NXPH1: variants seen among roughly 807,000 people sequenced by gnomAD.
The protein encoded by NXPH1 is neurexophilin 1.
A neutral mutation model predicts 23.7 loss-of-function variants in NXPH1; 5 were observed. The observed-to-expected ratio is 0.21, with a 90% CI of 0.11 to 0.44. The LOEUF (loss-of-function observed/expected upper bound fraction) is 0.44, where lower values mean the gene tolerates loss of function less well. Among genes scored for constraint, NXPH1 ranks in the 20% least tolerant of loss-of-function variants. NXPH1 has a pLI of 0.99. For missense variants in NXPH1, 324 were observed against 321.6 expected (o/e 1.01, Z -0.06); for synonymous variants, 144 against 122.2 (o/e 1.18, Z -1.18).
At chr7:8,455,155 C>T (rs896670822) in intron 2 of NXPH1, among the ~76,000 whole-genome samples, 1 of 151,688 alleles carries the variant, frequency 6.6e-6, no homozygotes, top group Non-Finnish European at 1.5e-5. Flanking sequence ...CCATATGAAT[C>T]AATGAATTAT....
chr7:8,610,115 T>C (rs934969624), intron 2 of NXPH1, among the ~76,000 whole-genome samples: 1 of 152,160 alleles, frequency 6.6e-6, no homozygotes, highest in Non-Finnish European at 1.5e-5. Context: ...CACTTTATAA[T>C]CGTTTTGAGA....
intron 2 of NXPH1, among the ~76,000 whole-genome samples, chr7:8,716,238 T>C (rs1036761656): frequency 2.6e-5 from 4 of 152,178 alleles, no homozygotes; most frequent in South Asian, 2.1e-4. Context: ...TATATTACAC[T>C]CCTCAAAACT....
At chr7:8,705,304 A>G (rs1243153330) in intron 2 of NXPH1, among the ~76,000 whole-genome samples, 2 of 152,172 alleles carry the variant, frequency 1.3e-5, no homozygotes, top group African/African-American at 4.8e-5. Context: ...TGTGTGAATA[A>G]TTGCAACACA....
chr7:8,747,235 G>T (rs1216900374), intron 2 of NXPH1, among the ~76,000 whole-genome samples: 1 of 152,198 alleles, frequency 6.6e-6, no homozygotes, highest in Non-Finnish European at 1.5e-5. Flanking sequence ...CAGGCAGTCT[G>T]ACTCCAGAGT....
intron 2 of NXPH1, among the ~76,000 whole-genome samples, chr7:8,679,498 A>G (rs1821017852): frequency 6.6e-6 from 1 of 152,230 alleles, no homozygotes; most frequent in African/African-American, 2.4e-5. Context: ...AGTAAGAATT[A>G]AGGAACACTC....
At chr7:8,539,397 A>G (rs1417802961) in intron 2 of NXPH1, among the ~76,000 whole-genome samples, 1 of 151,886 alleles carries the variant, frequency 6.6e-6, no homozygotes, top group Non-Finnish European at 1.5e-5. Flanking sequence ...GTAAGCATTT[A>G]TGAACTGTTT....
chr7:8,587,753 G>A (rs927981259), intron 2 of NXPH1, among the ~76,000 whole-genome samples: 1 of 152,108 alleles, frequency 6.6e-6, no homozygotes, highest in Non-Finnish European at 1.5e-5. Context: ...TTCTGTTCCT[G>A]TGTTAATTTG....
rs543638929 is a variant in NXPH1 at position 8,526,437 on chromosome 7, T to G, written c.54+90670T>G. 2.6e-5 allele frequency among the ~76,000 whole-genome samples: 4 copies of G among 152,210 alleles called. No individual in the cohort carries two copies. The South Asian group carries it at 8.3e-4, about 32-fold the overall frequency. On this transcript the variant is annotated intron_variant, in intron 2 of 2. Transcript: ENST00000405863. ...GTTAATGCTGAGATGAGTTAAGACT[T>G]TGGGGGACTGTTGGGAAGGCATGAT...
chr7:8,707,516 T>C (rs774988432), intron 2 of NXPH1, among the ~76,000 whole-genome samples: 6 of 152,164 alleles, frequency 3.9e-5, no homozygotes, highest in Non-Finnish European at 5.9e-5. Context: ...TCTCAGTATG[T>C]ATTAATGAGT....
At chr7:8,496,387 A>G (rs2128611897) in intron 2 of NXPH1, among the ~76,000 whole-genome samples, 1 of 152,210 alleles carries the variant, frequency 6.6e-6, no homozygotes, top group Non-Finnish European at 1.5e-5. Flanking sequence ...ATTAAATAAA[A>G]TTCAGACTTT....
At position 8,442,433 on chromosome 7, in the gene NXPH1, C is replaced by A. The variant is rs1816319258; in HGVS notation, c.54+6666C>A. On this transcript the variant is annotated intron_variant, in intron 2 of 2. Transcript: ENST00000405863. The surrounding 1 kb of genome is among the most constrained non-coding windows in gnomAD (Gnocchi z 4.6). ...CCTAATGGATTCTGAAGCGAAGGAT[C>A]CTAGCTGCCGCGGCTAAGGGCGCAG... is the stretch of plus-strand genomic sequence containing the variant. Among the ~76,000 whole-genome samples the A allele has an allele frequency of 1.3e-5, 2 of 152,202 alleles. No homozygotes were observed. The highest frequency in any genetic ancestry group is 2.9e-5 in the Non-Finnish European group (2 of 68,036).
chr7:8,555,123 A>G (rs1425096303), intron 2 of NXPH1, among the ~76,000 whole-genome samples: 4 of 151,622 alleles, frequency 2.6e-5, no homozygotes, highest in African/African-American at 9.7e-5. Context: ...CAACCCAGAT[A>G]TGCTGGTGTC....
chr7:8,454,190 A>T (rs567535372), intron 2 of NXPH1, among the ~76,000 whole-genome samples: 1 of 152,246 alleles, frequency 6.6e-6, no homozygotes, highest in South Asian at 2.1e-4. Context: ...ACTCCCCATG[A>T]CACCTATGTA....
chr7:8,751,077 C>A lies in NXPH1; in HGVS notation c.124C>A (p.Leu42Ile). Reference protein sequence around the residue: ...LLKSGSSKSTLKHIWTESSKD... With the variant: ...LLKSGSSKSTIKHIWTESSKD... Reference sequence around the variant, plus strand: ...GAAATCAGGAAGCAGCAAATCCACACTAAAGCACATATGGACAGAAAGCAG... The same window carrying A: ...GAAATCAGGAAGCAGCAAATCCACAATAAAGCACATATGGACAGAAAGCAG... Residue 42 changes from leucine (L) to isoleucine (I), a missense_variant, in exon 3 of 3, where the codon CTA becomes ATA. Coordinates refer to ENST00000405863, the MANE Select transcript of NXPH1 (RefSeq NM_152745.3). The surrounding 1 kb of genome is among the most constrained non-coding windows in gnomAD (Gnocchi z 4.5). 6.2e-7 allele frequency: 1 copy of A among 1,613,804 alleles called. No homozygotes were observed. Among genetic ancestry groups the A allele is most frequent in the East Asian group, 2.2e-5 (1 of 44,878 alleles).
rs185874192 is a variant in NXPH1, at chr7:8,494,509, A to G, written c.54+58742A>G. 3.3e-5 allele frequency among the ~76,000 whole-genome samples: 5 copies of G among 152,124 alleles called. No homozygotes were observed. The East Asian group carries it at 9.7e-4, about 30-fold the overall frequency. Reference sequence around the variant, plus strand: ...ATCATGCCTTCTTCATAGATATTTAATGATATAATGTGTGTAGAGTGAAGA... The same window carrying G: ...ATCATGCCTTCTTCATAGATATTTAGTGATATAATGTGTGTAGAGTGAAGA... On this transcript the variant is annotated intron_variant, in intron 2 of 2. Transcript: ENST00000405863.
intron 2 of NXPH1, among the ~76,000 whole-genome samples, chr7:8,447,613 G>A (rs1481101145): frequency 1.3e-5 from 2 of 152,254 alleles, no homozygotes; most frequent in Non-Finnish European, 2.9e-5. Flanking sequence ...TCTGGCATAT[G>A]AGCTGAGCTA....
intron 2 of NXPH1, among the ~76,000 whole-genome samples, chr7:8,730,162 C>A (rs1314150167): frequency 6.7e-6 from 1 of 148,978 alleles, no homozygotes; most frequent in Non-Finnish European, 1.5e-5. Flanking sequence ...AGGATTGCAA[C>A]CCCTGCCTTT....
At chr7:8,696,840 C>CAAAAAA (rs3059126) in intron 2 of NXPH1, among the ~76,000 whole-genome samples, 28,552 of 95,424 alleles carry the variant, frequency 0.3, 4,663 homozygotes, top group Non-Finnish European at 0.34. Flanking sequence ...GACTCCCTCT[C>CAAAAAA]AAAAAAAAAA....
chr7:8,647,806 A>AT (rs1820419539), intron 2 of NXPH1, among the ~76,000 whole-genome samples: 3 of 147,476 alleles, frequency 2.0e-5, no homozygotes, highest in African/African-American at 7.5e-5. Context: ...AAGTTTGGTT[A>AT]ATTTTTTCAA....
Sources: allele counts gnomAD v4.1 joint callset (sites outside exome capture counted in the v4.1 genomes callset), GRCh38; gene constraint gnomAD v4.1.1; non-coding constraint Gnocchi (gnomAD v3.1); transcripts MANE v1.5; gene names NCBI Gene and HGNC (gene_info 2026-07-23, HGNC 2026-07-21).